Variants in SHLD2 observed in about 807,000 individuals in gnomAD.
The protein encoded by SHLD2 is shieldin complex subunit 2.
A neutral mutation model predicts 73.2 loss-of-function variants in SHLD2; 30 were observed. The ratio of observed to expected loss-of-function variants is 0.41; its 90% CI spans 0.31 to 0.56. The LOEUF (loss-of-function observed/expected upper bound fraction) is 0.56, where lower values mean the gene tolerates loss of function less well. Ranked by LOEUF, SHLD2 falls within the 20% of genes least tolerant of loss-of-function variation. The pLI is 0.28. For synonymous variants in SHLD2, 285 were observed against 370.1 expected (o/e 0.77, Z 2.64); for missense variants, 745 against 1,055.9 (o/e 0.71, Z 4.08).
chr10:87,152,729 A>G lies in SHLD2; in HGVS notation c.1375A>G (p.Ile459Val), dbSNP rs767120616. 6.8e-6 allele frequency: 11 copies of G among 1,612,002 alleles called. No individual in the cohort carries two copies. The highest frequency in any genetic ancestry group is 1.1e-5 in the South Asian group (1 of 90,990). Residue 459 changes from isoleucine (I) to valine (V), a missense_variant, in exon 3 of 10, where the codon ATA becomes GTA. Transcript: ENST00000298786. ...LSPCHVKEIN[I>V]KFGPNSGSKV... The stretch of plus-strand genomic sequence containing the variant: ...TCCATGCCATGTGAAGGAAATAAAC[A>G]TAAAATTCGGACCAAATTCTGGCTC...
chr10:87,172,396 T>C (rs1847650078), intron 6 of SHLD2, among the ~76,000 whole-genome samples: 1 of 152,148 alleles, frequency 6.6e-6, no homozygotes, highest in African/African-American at 2.4e-5. Context: ...GGTCACACAA[T>C]ACAAATATGA....
intron 4 of SHLD2, among the ~76,000 whole-genome samples, chr10:87,161,785 G>C (rs566212890): frequency 6.0e-4 from 91 of 152,306 alleles, no homozygotes; most frequent in Non-Finnish European, 1.1e-3. Context: ...GGGGAAAACA[G>C]ACATGCAAGA....
At chr10:87,130,201 A>C (rs1304556151) in intron 2 of SHLD2, among the ~76,000 whole-genome samples, 5 of 151,954 alleles carry the variant, frequency 3.3e-5, no homozygotes, top group African/African-American at 1.2e-4. Flanking sequence ...TGTTGAGTAG[A>C]GTTCACTCTG....
chr10:87,182,886 A>G (rs1848399561), intron 8 of SHLD2, among the ~76,000 whole-genome samples: 1 of 151,214 alleles, frequency 6.6e-6, no homozygotes, highest in Non-Finnish European at 1.5e-5. Context: ...ACAAAGTGGC[A>G]GCTCATTTCC....
rs142767532 is a variant in SHLD2 at position 87,181,010 on chromosome 10, T to C, written c.2399+707T>C. Among the ~76,000 whole-genome samples, 1,172 of 152,228 alleles carry C rather than the reference T, an allele frequency of 7.7e-3. 13 individuals carry two copies. Among genetic ancestry groups the C allele is most frequent in the African/African-American group, 0.028 (1,146 of 41,528 alleles). ...TAAACCTTATTTCTCTTTACAGATA[T>C]TATGTTTGTTATAAATAAGTGAATA... On this transcript the variant is annotated intron_variant, in intron 8 of 9. Transcript: ENST00000298786.
intron 4 of SHLD2, among the ~76,000 whole-genome samples, chr10:87,169,575 G>T (rs1043737569): frequency 2.0e-5 from 3 of 152,118 alleles, no homozygotes; most frequent in African/African-American, 7.2e-5. Context: ...ATCAGTTTAT[G>T]GAGTCTGCTT....
intron 3 of SHLD2, among the ~76,000 whole-genome samples, chr10:87,156,304 A>T (rs555610113): frequency 5.9e-4 from 90 of 152,164 alleles, no homozygotes; most frequent in African/African-American, 2.0e-3. Context: ...TGACCTTGTG[A>T]TCTGCCCACC....
intron 2 of SHLD2, among the ~76,000 whole-genome samples, chr10:87,112,811 T>C (rs762312685): frequency 1.3e-4 from 20 of 151,752 alleles, no homozygotes; most frequent in Non-Finnish European, 2.1e-4. Flanking sequence ...GATAGGGATG[T>C]AAAATGATAC....
At chr10:87,104,730 G>A (rs1247742310) in intron 2 of SHLD2, among the ~76,000 whole-genome samples, 4 of 150,800 alleles carry the variant, frequency 2.7e-5, no homozygotes, top group African/African-American at 4.9e-5. Context: ...GCACAATCTC[G>A]GCTCGCTGCA....
chr10:87,148,389 T>C lies in SHLD2; in HGVS notation c.-5-2961T>C, dbSNP rs191425940. Among the ~76,000 whole-genome samples the C allele has an allele frequency of 1.5e-3, 221 of 152,260 alleles. 2 individuals carry two copies. The highest frequency in any genetic ancestry group is 0.01 in the Middle Eastern group (3 of 294). ...AGCGGAATGTTTCAGAAAAGAGGGATTGATAAACAGTTTCAAATGGTAGTA... is the reference window on the plus strand; with the variant it reads ...AGCGGAATGTTTCAGAAAAGAGGGACTGATAAACAGTTTCAAATGGTAGTA... On this transcript the variant is annotated intron_variant, in intron 2 of 9. Coordinates refer to ENST00000298786, the MANE Select transcript of SHLD2 (RefSeq NM_001330112.2).
At chr10:87,124,023 A>G (rs1589479928) in intron 2 of SHLD2, among the ~76,000 whole-genome samples, 1 of 152,040 alleles carries the variant, frequency 6.6e-6, no homozygotes, top group East Asian at 1.9e-4. Flanking sequence ...TGGTTTTATA[A>G]TATGAATCTT....
At chr10:87,095,353 C>T in intron 1 of SHLD2, 105 bp downstream of exon 1, 1 of 152,130 alleles carries the variant, frequency 6.6e-6, no homozygotes, top group Non-Finnish European at 1.5e-5. Flanking sequence ...TCCCCCCGAG[C>T]GCCGCGTGGG....
At chr10:87,166,770 A>C (rs550836710) in intron 4 of SHLD2, among the ~76,000 whole-genome samples, 127 of 152,344 alleles carry the variant, frequency 8.3e-4, no homozygotes, top group African/African-American at 2.9e-3. Context: ...GCATTTTAAG[A>C]AGAAAAGCAG....
At chr10:87,094,517 G>C (rs2133874666), upstream of SHLD2, 2 of 1,613,156 alleles carry the variant, frequency 1.2e-6, no homozygotes, top group Non-Finnish European at 1.7e-6. This position sits in a 1 kb window ranked among gnomAD's most constrained non-coding sequence, Gnocchi z 6.6. Context: ...TCCTCCACCA[G>C]CTTGTCCTCC....
chr10:87,112,572 C>A (rs1257678507), intron 2 of SHLD2, among the ~76,000 whole-genome samples: 6 of 149,296 alleles, frequency 4.0e-5, no homozygotes, highest in Non-Finnish European at 8.9e-5. Flanking sequence ...GCCGTCGAGG[C>A]TGCAGTGAGC....
Position 87,170,563 on chromosome 10 carries a change from G to A in SHLD2, c.1719G>A (p.Pro573=), listed in dbSNP as rs141059392. ...ATTCCTACCTCAGAGATCTTCCTCC[G>A]AGGCAGCCTCAGAGGGTGAACAGTA... ...SKHSYLRDLP[P]RQPQRVNSID... The change falls in exon 5 of 10, where the codon CCG becomes CCA. Residue 573 remains proline (P), a synonymous_variant. Transcript: ENST00000298786. 42 of 1,613,370 alleles carry A rather than the reference G, an allele frequency of 2.6e-5. No homozygotes were observed. The highest frequency in any genetic ancestry group is 5.0e-5 in the Admixed American group (3 of 59,918).
chr10:87,140,175 T>C (rs532491284), intron 2 of SHLD2, among the ~76,000 whole-genome samples: 1 of 152,036 alleles, frequency 6.6e-6, no homozygotes, highest in Non-Finnish European at 1.5e-5. Flanking sequence ...TCCTAGCACT[T>C]TGGGGGCCGA....
Position 87,151,205 on chromosome 10 carries a change from T to C in SHLD2, c.-5-145T>C, listed in dbSNP as rs1285075237. On this transcript the variant is annotated intron_variant, in intron 2 of 9. Coordinates refer to ENST00000298786, the MANE Select transcript of SHLD2 (RefSeq NM_001330112.2). ...TTCTTGTGTATTTATGAATTTTATA[T>C]AATTAAATGGCATATCAAAAAAATC... 6.3e-5 allele frequency: 31 copies of C among 494,814 alleles called. No homozygotes were observed. In the East Asian group the frequency reaches 8.7e-4, roughly 14 times the overall value. 30.7% of individuals were successfully genotyped at this position (494,814 alleles called of 1,614,324 possible).
intron 2 of SHLD2, among the ~76,000 whole-genome samples, chr10:87,110,140 T>C (rs1842830898): frequency 1.3e-5 from 2 of 151,334 alleles, no homozygotes; most frequent in South Asian, 4.2e-4. Flanking sequence ...AATACAAAAA[T>C]TAGCTGAGCA....
Sources: gnomAD v4.1 joint callset for allele counts (sites outside exome capture counted in the v4.1 genomes callset) on GRCh38, gnomAD v4.1.1 for gene constraint, Gnocchi (gnomAD v3.1) non-coding constraint, MANE v1.5 for transcripts, NCBI Gene and HGNC (gene_info 2026-07-23, HGNC 2026-07-21) for gene names.